The following SLC24A3 variants were observed in gnomAD, a reference collection of about 807,000 sequenced individuals.
The protein encoded by SLC24A3 is sodium/potassium/calcium exchanger 3.
Under a neutral mutation model 75.8 loss-of-function variants are expected in SLC24A3, and 28 were observed. The ratio of observed to expected loss-of-function variants is 0.37; its 90% CI spans 0.27 to 0.51. SLC24A3 has a LOEUF of 0.51. Ranked by LOEUF, SLC24A3 falls within the 20% of genes least tolerant of loss-of-function variation. The pLI is 0.94. For missense variants in SLC24A3, 663 were observed against 847.8 expected (o/e 0.78, Z 2.71); for synonymous variants, 372 against 334.1 (o/e 1.11, Z -1.24).
chr20:19,394,351 C>G (rs1366344697), intron 2 of SLC24A3, among the ~76,000 whole-genome samples: 1 of 152,164 alleles, frequency 6.6e-6, no homozygotes, highest in African/African-American at 2.4e-5. Flanking sequence ...GTAGAAATAT[C>G]TAAATTGGAC....
chr20:19,267,603 A>G (rs1169585514), intron 1 of SLC24A3, among the ~76,000 whole-genome samples: 4 of 152,222 alleles, frequency 2.6e-5, no homozygotes, highest in Non-Finnish European at 4.4e-5. Flanking sequence ...AAATCAGGTT[A>G]TGTAATTTTG....
intron 1 of SLC24A3, among the ~76,000 whole-genome samples, chr20:19,233,281 A>G (rs1982075465): frequency 1.3e-5 from 2 of 152,216 alleles, no homozygotes; most frequent in African/African-American, 4.8e-5. Flanking sequence ...CAAGCCTGGG[A>G]GGAGAAGGAT....
intron 15 of SLC24A3, among the ~76,000 whole-genome samples, chr20:19,712,709 A>C (rs914962703): frequency 2.0e-5 from 3 of 152,242 alleles, no homozygotes; most frequent in Non-Finnish European, 4.4e-5. Flanking sequence ...GAATTATAAA[A>C]GTAATACACA....
chr20:19,585,665 C>T lies in SLC24A3; in HGVS notation c.612+121C>T. The stretch of plus-strand genomic sequence containing the variant: ...TTGCATTAGGGCCCAGTGGTTTGGG[C>T]AGCAGTGATTTGGGACCTCACATCC... On this transcript the variant is annotated intron_variant, in intron 6 of 16. Coordinates refer to ENST00000328041, the MANE Select transcript of SLC24A3 (RefSeq NM_020689.4). The T allele has an allele frequency of 7.4e-6, 7 of 947,892 alleles. 1 individual carries two copies. Among genetic ancestry groups the T allele is most frequent in the Non-Finnish European group, 4.8e-6 (3 of 621,262 alleles). The allele number at this position is 947,892 out of a possible 1,614,324, so 58.7% of individuals were successfully genotyped here. A position where few individuals can be genotyped will look rare whatever the true frequency, so the allele number is the denominator to read the frequency against.
intron 2 of SLC24A3, among the ~76,000 whole-genome samples, chr20:19,504,601 C>T (rs1988435396): frequency 6.6e-6 from 1 of 152,110 alleles, no homozygotes; most frequent in South Asian, 2.1e-4. Flanking sequence ...TAGTGGGTTC[C>T]TGTGTACATC....
intron 6 of SLC24A3, among the ~76,000 whole-genome samples, chr20:19,633,960 G>A (rs181246805): frequency 6.6e-6 from 1 of 152,116 alleles, no homozygotes; most frequent in Non-Finnish European, 1.5e-5. Context: ...GTTTGTAAAG[G>A]AAGTTGTCCA....
chr20:19,596,033 A>C (rs1034418500), intron 6 of SLC24A3, among the ~76,000 whole-genome samples: 1 of 151,988 alleles, frequency 6.6e-6, no homozygotes, highest in Non-Finnish European at 1.5e-5. Context: ...GTGCTCAGAG[A>C]GGTGGTAGCC....
intron 2 of SLC24A3, among the ~76,000 whole-genome samples, chr20:19,466,280 T>C (rs758092343): frequency 6.6e-6 from 1 of 152,226 alleles, no homozygotes; most frequent in African/African-American, 2.4e-5. Flanking sequence ...CACCGTCTGA[T>C]TGCCACAGGA....
chr20:19,232,199 G>A (rs1213033362), intron 1 of SLC24A3, among the ~76,000 whole-genome samples: 1 of 152,144 alleles, frequency 6.6e-6, no homozygotes, highest in African/African-American at 2.4e-5. Flanking sequence ...TCAGTGTTTG[G>A]TCATATGTGT....
intron 2 of SLC24A3, among the ~76,000 whole-genome samples, chr20:19,411,504 G>A (rs753267035): frequency 6.6e-6 from 1 of 152,152 alleles, no homozygotes; most frequent in Non-Finnish European, 1.5e-5. Flanking sequence ...TCTAGGACCT[G>A]GATCTTTTAA....
intron 2 of SLC24A3, among the ~76,000 whole-genome samples, chr20:19,444,779 T>C (rs1987352613): frequency 1.3e-5 from 2 of 152,138 alleles, no homozygotes; most frequent in African/African-American, 2.4e-5. Context: ...GTTTTGCTGA[T>C]TTTATCTATT....
At chr20:19,344,453 A>C (rs1191285948) in intron 2 of SLC24A3, among the ~76,000 whole-genome samples, 1 of 152,144 alleles carries the variant, frequency 6.6e-6, no homozygotes, top group African/African-American at 2.4e-5. Flanking sequence ...CTAGCATTTA[A>C]ATTCAGTAGT....
chr20:19,218,574 A>G (rs549121530), intron 1 of SLC24A3, among the ~76,000 whole-genome samples: 4 of 152,184 alleles, frequency 2.6e-5, no homozygotes, highest in African/African-American at 9.6e-5. Flanking sequence ...AACCTTTTCT[A>G]TTTTTTGCAT....
chr20:19,592,165 C>T (rs1057345339), intron 6 of SLC24A3, among the ~76,000 whole-genome samples: 4 of 152,164 alleles, frequency 2.6e-5, no homozygotes, highest in Admixed American at 6.5e-5. Context: ...CTATTGAGCA[C>T]GAGTGGCACG....
chr20:19,227,394 C>CA (rs1981896692), intron 1 of SLC24A3, among the ~76,000 whole-genome samples: 1 of 144,612 alleles, frequency 6.9e-6, no homozygotes, highest in South Asian at 2.2e-4. Flanking sequence ...CTTGTTCATT[C>CA]TTTTTTTTTT....
At chr20:19,452,208 T>C (rs963119397) in intron 2 of SLC24A3, among the ~76,000 whole-genome samples, 3 of 152,182 alleles carry the variant, frequency 2.0e-5, no homozygotes, top group African/African-American at 7.2e-5. Flanking sequence ...GGTATACTTT[T>C]TAAAGAACAG....
chr20:19,531,424 G>T (rs752991715), intron 3 of SLC24A3, among the ~76,000 whole-genome samples: 19 of 152,214 alleles, frequency 1.2e-4, no homozygotes, highest in Admixed American at 2.0e-4. Flanking sequence ...TTTTGCTCCT[G>T]GGCCATTAAG....
intron 6 of SLC24A3, among the ~76,000 whole-genome samples, chr20:19,603,891 C>A (rs1297436746): frequency 3.3e-5 from 5 of 152,184 alleles, no homozygotes; most frequent in Admixed American, 3.3e-4. Flanking sequence ...GCCTCTGTTA[C>A]CCCTGGGTCT....
At chr20:19,293,357 G>A (rs768318401) in intron 2 of SLC24A3, among the ~76,000 whole-genome samples, 3 of 152,108 alleles carry the variant, frequency 2.0e-5, no homozygotes, top group Admixed American at 6.5e-5. Context: ...TTCGTGGCTC[G>A]GAAAGGGATG....
Sources: allele counts gnomAD v4.1 joint callset (sites outside exome capture counted in the v4.1 genomes callset), GRCh38; gene constraint gnomAD v4.1.1; transcripts MANE v1.5; gene names NCBI Gene and HGNC (gene_info 2026-07-23, HGNC 2026-07-21).